Variants in ZCCHC8 observed in about 807,000 individuals in gnomAD.
ZCCHC8 encodes zinc finger CCHC domain-containing protein 8.
A neutral mutation model predicts 70.6 loss-of-function variants in ZCCHC8; 27 were observed. The observed-to-expected ratio is 0.38, with a 90% CI of 0.28 to 0.53. ZCCHC8 has a LOEUF of 0.53. Ranked by LOEUF, ZCCHC8 falls within the 20% of genes least tolerant of loss-of-function variation. The pLI is 0.81. For synonymous variants in ZCCHC8, 293 were observed against 317.4 expected (o/e 0.92, Z 0.82); for missense variants, 737 against 876.9 (o/e 0.84, Z 2.01).
At chr12:122,487,494 C>T (rs1337788729) in intron 5 of ZCCHC8, among the ~76,000 whole-genome samples, 1 of 152,162 alleles carries the variant, frequency 6.6e-6, no homozygotes, top group Non-Finnish European at 1.5e-5. Context: ...TATTTGACTC[C>T]AGTAATACTG....
chr12:122,477,523 G>T (rs1188381829), intron 13 of ZCCHC8, among the ~76,000 whole-genome samples: 2 of 146,190 alleles, frequency 1.4e-5, no homozygotes, highest in South Asian at 2.3e-4. Flanking sequence ...GGTGGCTCAC[G>T]CCTGTAATCC....
intron 13 of ZCCHC8, among the ~76,000 whole-genome samples, chr12:122,474,815 T>C (rs1184364010): frequency 7.0e-6 from 1 of 141,900 alleles, no homozygotes; most frequent in African/African-American, 2.6e-5. Flanking sequence ...GCTCACTGTA[T>C]CCTCCGTCTC....
In ZCCHC8 at chr12:122,487,564, A is replaced by AT. The variant is rs2137350373; in HGVS notation, c.501+1821dup. 2.0e-5 allele frequency among the ~76,000 whole-genome samples: 3 copies of AT among 152,214 alleles called. No individual in the cohort carries two copies. In the South Asian group the frequency reaches 6.2e-4, roughly 32 times the overall value. Reference sequence around the variant, plus strand: ...TTGTTTTTTTTCTTTTTTCTTTTGAATGCCAGGTCATATCATTTTTCACAT... The same window carrying AT: ...TTGTTTTTTTTCTTTTTTCTTTTGAATTGCCAGGTCATATCATTTTTCACAT... On this transcript the variant is annotated intron_variant, in intron 5 of 13. Coordinates refer to ENST00000633063, the MANE Select transcript of ZCCHC8 (RefSeq NM_017612.5).
intron 8 of ZCCHC8, 117 bp from the exon 9 acceptor site, chr12:122,482,204 A>G: frequency 8.8e-7 from 1 of 1,137,978 alleles, no homozygotes; most frequent in Non-Finnish European, 1.2e-6. Flanking sequence ...TTTAATGTAT[A>G]ACGAACAAGT....
At chr12:122,498,039 A>G (rs1268622180) in intron 2 of ZCCHC8, among the ~76,000 whole-genome samples, 4 of 149,796 alleles carry the variant, frequency 2.7e-5, no homozygotes, top group Non-Finnish European at 5.9e-5. Flanking sequence ...AAATCTACAC[A>G]CTTTATCTTT....
chr12:122,495,847 CAAAAAAAAAAAAAAAAAAAAAAAAAAAAA>C (rs538311699), intron 2 of ZCCHC8, among the ~76,000 whole-genome samples: 3 of 78,330 alleles, frequency 3.8e-5, no homozygotes, highest in East Asian at 2.7e-4. Flanking sequence ...CACTCTGTCT[CAAAAAAAAAAAAAAAAAAAAAAAAAAAAA>C]AAAAAAAAAA....
chr12:122,473,405 G>T lies in ZCCHC8; in HGVS notation c.*92C>A. The T allele has an allele frequency of 7.4e-7, 1 of 1,347,290 alleles. No homozygotes were observed. The highest frequency in any genetic ancestry group is 1.5e-5 in the South Asian group (1 of 65,532). 83.5% of individuals were successfully genotyped at this position (1,347,290 alleles called of 1,614,324 possible). On this transcript the variant is annotated 3_prime_UTR_variant, in exon 14 of 14. Coordinates refer to ENST00000633063, the MANE Select transcript of ZCCHC8 (RefSeq NM_017612.5). ...TGGATAGATTTTTAAACATGGGAGGGACAAACAGGAAAACCATTCTATCTA... is the reference window on the plus strand; with the variant it reads ...TGGATAGATTTTTAAACATGGGAGGTACAAACAGGAAAACCATTCTATCTA...
chr12:122,474,155 G>C lies in ZCCHC8; in HGVS notation c.1466C>G (p.Pro489Arg), dbSNP rs889642532. The C allele has an allele frequency of 8.6e-6, 13 of 1,511,460 alleles. No individual in the cohort carries two copies. Among genetic ancestry groups the C allele is most frequent in the Non-Finnish European group, 1.1e-5 (13 of 1,136,558 alleles). 93.6% of individuals were successfully genotyped at this position (1,511,460 alleles called of 1,614,324 possible). The change falls in exon 14 of 14, where the codon CCA becomes CGA. Residue 489 changes from proline (P) to arginine (R), a missense_variant. Transcript: ENST00000633063. Reference sequence around the variant, plus strand: ...GGGAGTCAGCGGCGGGGTGCCCTTTGGGAGTGGAGGGGTGAAGACGGGTGG... The same window carrying C: ...GGGAGTCAGCGGCGGGGTGCCCTTTCGGAGTGGAGGGGTGAAGACGGGTGG... ...TPPPVFTPPLPKGTPPLTPSD... is the reference protein window; with the variant it reads ...TPPPVFTPPLRKGTPPLTPSD...
rs1957333261 is a variant in ZCCHC8 at position 122,472,329 on chromosome 12, TCCCGAGTAGCTGGGATTACAGGCATGTAC to T, written c.*1139_*1167del. ...TTCAAGTGATTCTCCTGCCTCAGCCTCCCGAGTAGCTGGGATTACAGGCATGTACCACCACACCTGGCTAATTTTTGTAT... is the reference window on the plus strand; with the variant it reads ...TTCAAGTGATTCTCCTGCCTCAGCCTCACCACACCTGGCTAATTTTTGTAT... On this transcript the variant is annotated 3_prime_UTR_variant, in exon 14 of 14. Coordinates refer to ENST00000633063, the MANE Select transcript of ZCCHC8 (RefSeq NM_017612.5). 6.7e-6 allele frequency: 1 copy of T among 149,958 alleles called. No homozygotes were observed. Among genetic ancestry groups the T allele is most frequent in the Non-Finnish European group, 1.5e-5 (1 of 67,684 alleles). The allele number at this position is 149,958 out of a possible 1,614,324, so 9.3% of individuals were successfully genotyped here. A position where few individuals can be genotyped will look rare whatever the true frequency, so the allele number is the denominator to read the frequency against.
intron 2 of ZCCHC8, among the ~76,000 whole-genome samples, chr12:122,494,907 T>C (rs561435090): frequency 6.6e-6 from 1 of 152,056 alleles, no homozygotes; most frequent in Non-Finnish European, 1.5e-5. Flanking sequence ...CTAAAGTGAG[T>C]CCAGTTTGAT....
At position 122,473,717 on chromosome 12, in the gene ZCCHC8, A is replaced by T. The variant is rs1957358196; in HGVS notation, c.1904T>A (p.Ile635Asn). The change falls in exon 14 of 14, where the codon ATC becomes AAC. Residue 635 changes from isoleucine (I) to asparagine (N), a missense_variant. Transcript: ENST00000633063. ...DNGSVVPNCD[I>N]SNGGSQKLFP... ...GAGCTTCTGGCTGCCCCCATTGCTG[A>T]TGTCACAGTTTGGTACGACACTGCC... is the stretch of plus-strand genomic sequence containing the variant. 1 of 1,613,804 alleles carries T rather than the reference A, an allele frequency of 6.2e-7. No homozygotes were observed. Among genetic ancestry groups the T allele is most frequent in the Non-Finnish European group, 8.5e-7 (1 of 1,179,892 alleles).
chr12:122,490,395 T>C (rs1466291742), intron 4 of ZCCHC8, 67 bp downstream of exon 4: 1 of 1,233,956 alleles, frequency 8.1e-7, no homozygotes, highest in Non-Finnish European at 1.2e-6. Context: ...AGAGGATCCT[T>C]GTGGCCCAAT....
intron 9 of ZCCHC8, 43 bp from the exon 10 acceptor site, chr12:122,481,707 T>C: frequency 3.8e-6 from 6 of 1,595,850 alleles, no homozygotes; most frequent in Non-Finnish European, 5.1e-6. Flanking sequence ...GAATTCTTAT[T>C]TGCATGAAAA....
chr12:122,494,065 A>G (rs1306398131), intron 2 of ZCCHC8, among the ~76,000 whole-genome samples: 4 of 152,214 alleles, frequency 2.6e-5, no homozygotes, highest in Admixed American at 6.6e-5. Context: ...AAAGTATACT[A>G]TTCCTGGATT....
chr12:122,473,424 C>T lies in ZCCHC8; in HGVS notation c.*73G>A. On this transcript the variant is annotated 3_prime_UTR_variant, in exon 14 of 14. Transcript: ENST00000633063. Reference sequence around the variant, plus strand: ...GGGAGGGACAAACAGGAAAACCATTCTATCTATCCACTTAATTAGTACTAA... The same window carrying T: ...GGGAGGGACAAACAGGAAAACCATTTTATCTATCCACTTAATTAGTACTAA... 6.9e-7 allele frequency: 1 copy of T among 1,450,222 alleles called. No individual in the cohort carries two copies. The allele number at this position is 1,450,222 out of a possible 1,614,324, so 89.8% of individuals were successfully genotyped here. A position where few individuals can be genotyped will look rare whatever the true frequency, so the allele number is the denominator to read the frequency against.
intron 13 of ZCCHC8, among the ~76,000 whole-genome samples, chr12:122,476,854 C>G (rs1957428440): frequency 6.6e-6 from 1 of 151,876 alleles, no homozygotes; most frequent in Non-Finnish European, 1.5e-5. Context: ...GAAACTCCAT[C>G]TCTACTAAAA....
At chr12:122,493,615 T>G in intron 2 of ZCCHC8, among the ~76,000 whole-genome samples, 1 of 151,506 alleles carries the variant, frequency 6.6e-6, no homozygotes, top group East Asian at 1.9e-4. Flanking sequence ...TTTATTTTAA[T>G]TATTTATTTA....
At position 122,486,639 on chromosome 12, in the gene ZCCHC8, G is replaced by A. The variant is rs1442219519; in HGVS notation, c.501+2747C>T. Among the ~76,000 whole-genome samples, 3 of 151,540 alleles carry A rather than the reference G, an allele frequency of 2.0e-5. 1 individual carries two copies. The East Asian group carries it at 5.9e-4, about 30-fold the overall frequency. ...GGCTGGAGTGAAGTGGCATGATCTC[G>A]GCTCACTGCAACCTCTGTCTCCCGG... On this transcript the variant is annotated intron_variant, in intron 5 of 13. Coordinates refer to ENST00000633063, the MANE Select transcript of ZCCHC8 (RefSeq NM_017612.5).
In ZCCHC8 at chr12:122,500,322, G is replaced by C; in HGVS notation, c.199+320C>G. The C allele has an allele frequency of 3.2e-6, 1 of 315,350 alleles. No individual in the cohort carries two copies. Among genetic ancestry groups the C allele is most frequent in the Non-Finnish European group, 5.9e-6 (1 of 170,380 alleles). The allele number at this position is 315,350 out of a possible 1,614,324, so 19.5% of individuals were successfully genotyped here. A position where few individuals can be genotyped will look rare whatever the true frequency, so the allele number is the denominator to read the frequency against. On this transcript the variant is annotated intron_variant, in intron 1 of 13. Coordinates refer to ENST00000633063, the MANE Select transcript of ZCCHC8 (RefSeq NM_017612.5). The surrounding 1 kb of genome is among the most constrained non-coding windows in gnomAD (Gnocchi z 4.8). ...ACCTCACCACGACCTCAAACAGAGG[G>C]GGGCAATTAAGGGCTTGTGTACAAT...
Sources: gnomAD v4.1 joint callset for allele counts (sites outside exome capture counted in the v4.1 genomes callset) on GRCh38, gnomAD v4.1.1 for gene constraint, Gnocchi (gnomAD v3.1) non-coding constraint, MANE v1.5 for transcripts, NCBI Gene and HGNC (gene_info 2026-07-23, HGNC 2026-07-21) for gene names.